Variants in NXPE2 observed in about 807,000 individuals in gnomAD.
The protein encoded by NXPE2 is neurexophilin and PC-esterase domain family member 2.
NXPE2 carries 34 observed loss-of-function variants against 34.4 expected under a neutral mutation model. That is an observed-to-expected ratio of 0.99 (90% CI 0.75 to 1.31). The LOEUF (loss-of-function observed/expected upper bound fraction) is 1.31. Among genes scored for constraint, NXPE2 ranks in the 40% most tolerant of loss-of-function variants. NXPE2 has a pLI of 0.00. For synonymous variants in NXPE2, 235 were observed against 231.3 expected (o/e 1.02, Z -0.15); for missense variants, 649 against 672.5 (o/e 0.97, Z 0.39).
the NXPE2 span, among the ~76,000 whole-genome samples, chr11:114,588,543 G>A: frequency 1.5e-3 from 227 of 152,054 alleles, no homozygotes; most frequent in Non-Finnish European, 2.7e-3. Context: ...GGCCAAAAGG[G>A]AAAAAAGAAT....
At chr11:114,616,166 C>G in the NXPE2 span, among the ~76,000 whole-genome samples, 1 of 151,404 alleles carries the variant, frequency 6.6e-6, no homozygotes, top group Non-Finnish European at 1.5e-5. Flanking sequence ...ACCATGGTTA[C>G]CCTGTGTATG....
chr11:114,758,093 C>T, the NXPE2 span, among the ~76,000 whole-genome samples: 2 of 152,104 alleles, frequency 1.3e-5, no homozygotes, highest in African/African-American at 4.8e-5. Context: ...AGAGTGAATT[C>T]TATGGAGAAA....
the NXPE2 span, among the ~76,000 whole-genome samples, chr11:114,668,688 T>A: frequency 6.6e-6 from 1 of 152,080 alleles, no homozygotes; most frequent in Non-Finnish European, 1.5e-5. Context: ...AGACCATGAC[T>A]TATCTTTATA....
chr11:114,693,966 T>A (rs1237480568), intron 2 of NXPE2, among the ~76,000 whole-genome samples: 1 of 152,198 alleles, frequency 6.6e-6, no homozygotes, highest in Non-Finnish European at 1.5e-5. Context: ...AAAATCAAGG[T>A]ATTAGCAGGG....
chr11:114,554,220 C>T, the NXPE2 span: 36 of 979,242 alleles, frequency 3.7e-5, no homozygotes, highest in South Asian at 3.8e-4. Flanking sequence ...ATGTGTTAGC[C>T]GAGATACACA....
chr11:114,606,814 C>T, the NXPE2 span, among the ~76,000 whole-genome samples: 2 of 151,974 alleles, frequency 1.3e-5, no homozygotes, highest in Admixed American at 6.6e-5. Context: ...AGGGTAACCA[C>T]TGTTACCCAG....
the NXPE2 span, among the ~76,000 whole-genome samples, chr11:114,663,744 CAAT>C: frequency 6.6e-6 from 1 of 151,012 alleles, no homozygotes; most frequent in African/African-American, 2.4e-5. Flanking sequence ...TTGGCGAACT[CAAT>C]AATAATAAGC....
intron 3 of NXPE2, among the ~76,000 whole-genome samples, chr11:114,699,145 C>A (rs1396366544): frequency 6.6e-6 from 1 of 152,116 alleles, no homozygotes; most frequent in Admixed American, 6.5e-5. Context: ...TGAATGATAT[C>A]ATTGTTCAGT....
chr11:114,592,898 C>A, the NXPE2 span, among the ~76,000 whole-genome samples: 1 of 151,948 alleles, frequency 6.6e-6, no homozygotes, highest in African/African-American at 2.4e-5. Flanking sequence ...GGATTTTTGA[C>A]AAAGTCATCA....
the NXPE2 span, among the ~76,000 whole-genome samples, chr11:114,579,754 A>T: frequency 6.6e-6 from 1 of 152,226 alleles, no homozygotes; most frequent in Non-Finnish European, 1.5e-5. Context: ...GAGGTAGAGA[A>T]GTCAGGTTTT....
the NXPE2 span, among the ~76,000 whole-genome samples, chr11:114,646,708 C>G: frequency 6.6e-6 from 1 of 152,076 alleles, no homozygotes; most frequent in Admixed American, 6.6e-5. Context: ...AGGACACAAC[C>G]TGCCAAGATA....
the NXPE2 span, among the ~76,000 whole-genome samples, chr11:114,746,829 C>A: frequency 1.4e-5 from 2 of 143,190 alleles, no homozygotes; most frequent in Non-Finnish European, 3.0e-5. Flanking sequence ...CCAGCCTGGG[C>A]AATAGAGTAA....
chr11:114,606,701 G>A, the NXPE2 span, among the ~76,000 whole-genome samples: 14 of 152,078 alleles, frequency 9.2e-5, no homozygotes, highest in Admixed American at 2.6e-4. Context: ...TTACCCGGAG[G>A]GTAATAAGGA....
the NXPE2 span, among the ~76,000 whole-genome samples, chr11:114,626,395 G>T: frequency 6.6e-6 from 1 of 152,166 alleles, no homozygotes; most frequent in Non-Finnish European, 1.5e-5. Context: ...CTAACTGGGA[G>T]GCACCCCCCA....
At chr11:114,604,439 C>T in the NXPE2 span, among the ~76,000 whole-genome samples, 84 of 146,056 alleles carry the variant, frequency 5.8e-4, no homozygotes, top group South Asian at 3.1e-3. Context: ...CATTGTTACC[C>T]GGTGGACACT....
the NXPE2 span, among the ~76,000 whole-genome samples, chr11:114,785,320 C>T: frequency 6.6e-6 from 1 of 152,232 alleles, no homozygotes; most frequent in South Asian, 2.1e-4. Flanking sequence ...TGAGGCTGTT[C>T]AATGTAAAAC....
chr11:114,495,940 G>A, the NXPE2 span, among the ~76,000 whole-genome samples: 1 of 152,070 alleles, frequency 6.6e-6, no homozygotes, highest in Non-Finnish European at 1.5e-5. Flanking sequence ...CAGGAAATAA[G>A]TCTCTCCTGG....
chr11:114,556,920 TCTCA>T, the NXPE2 span, among the ~76,000 whole-genome samples: 11 of 150,510 alleles, frequency 7.3e-5, no homozygotes, highest in African/African-American at 2.4e-5. Context: ...TGAGACAGAG[TCTCA>T]CTCTGTTGCC....
the NXPE2 span, among the ~76,000 whole-genome samples, chr11:114,566,942 C>G: frequency 6.6e-6 from 1 of 152,150 alleles, no homozygotes; most frequent in Non-Finnish European, 1.5e-5. Context: ...TATACATTCT[C>G]TGCAATCATG....
Sources: allele counts gnomAD v4.1 joint callset (sites outside exome capture counted in the v4.1 genomes callset), GRCh38; gene constraint gnomAD v4.1.1; transcripts MANE v1.5; gene names NCBI Gene and HGNC (gene_info 2026-07-23, HGNC 2026-07-21).